Variants in ITPKB observed in about 807,000 individuals in gnomAD.
ITPKB encodes the protein IP3 3-kinase B.
In ITPKB, 13 loss-of-function variants were observed where a neutral mutation model predicts 69.4. The ratio of observed to expected loss-of-function variants is 0.19; its 90% CI spans 0.12 to 0.30. ITPKB has a LOEUF of 0.30. Ranked by LOEUF, ITPKB falls within the 10% of genes least tolerant of loss-of-function variation. The pLI is 1.00. For missense variants in ITPKB, 1,240 were observed against 1,250.5 expected (o/e 0.99, Z 0.13); for synonymous variants, 584 against 513.7 (o/e 1.14, Z -1.85).
chr1:226,658,501 G>A (rs1416161752), intron 2 of ITPKB, among the ~76,000 whole-genome samples: 1 of 152,190 alleles, frequency 6.6e-6, no homozygotes, highest in Non-Finnish European at 1.5e-5. Context: ...CCAAGGACTT[G>A]GCAGGACAGG....
At chr1:226,704,198 TAAAG>T (rs955656247) in intron 2 of ITPKB, among the ~76,000 whole-genome samples, 16 of 152,142 alleles carry the variant, frequency 1.1e-4, no homozygotes, top group African/African-American at 3.4e-4. Flanking sequence ...GACTACGAAA[TAAAG>T]AATATAAACA....
rs1657892023 is a variant in ITPKB at position 226,738,613 on chromosome 1, CA to C, written c.-206+427del. The stretch of plus-strand genomic sequence containing the variant: ...AGGAACTTAGGGGCGTGCATGGCTG[CA>C]GCCGGGCAGCAGCCCTAGGTGCACA... On this transcript the variant is annotated intron_variant, in intron 1 of 7. Coordinates refer to ENST00000429204, the MANE Select transcript of ITPKB (RefSeq NM_002221.4). The surrounding 1 kb of genome is among the most constrained non-coding windows in gnomAD (Gnocchi z 4.2). Among the ~76,000 whole-genome samples the C allele has an allele frequency of 6.6e-6, 1 of 152,174 alleles. No homozygotes were observed. Among genetic ancestry groups the C allele is most frequent in the Non-Finnish European group, 1.5e-5 (1 of 68,026 alleles).
chr1:226,708,175 A>G (rs1656857315), intron 2 of ITPKB, among the ~76,000 whole-genome samples: 1 of 152,220 alleles, frequency 6.6e-6, no homozygotes, highest in Non-Finnish European at 1.5e-5. Context: ...TCAAAGACCA[A>G]ATTGGATTTA....
chr1:226,651,676 A>C (rs1669197436), intron 2 of ITPKB, among the ~76,000 whole-genome samples: 1 of 152,208 alleles, frequency 6.6e-6, no homozygotes, highest in South Asian at 2.1e-4. Context: ...AGGTGAACAG[A>C]TGCTGGGCGA....
At chr1:226,676,931 T>A (rs1669745001) in intron 2 of ITPKB, among the ~76,000 whole-genome samples, 1 of 152,228 alleles carries the variant, frequency 6.6e-6, no homozygotes, top group Non-Finnish European at 1.5e-5. Context: ...CATATTGTGT[T>A]GTCTTTTACG....
At chr1:226,727,178 A>T (rs765486308) in intron 2 of ITPKB, among the ~76,000 whole-genome samples, 10 of 152,236 alleles carry the variant, frequency 6.6e-5, no homozygotes, top group African/African-American at 2.4e-4. Context: ...ATTATATAAC[A>T]TATAAAAAGC....
At chr1:226,683,317 G>A (rs1361560441) in intron 2 of ITPKB, among the ~76,000 whole-genome samples, 1 of 152,144 alleles carries the variant, frequency 6.6e-6, no homozygotes, top group Non-Finnish European at 1.5e-5. Flanking sequence ...CCTAACACCT[G>A]TAGAGTTGAT....
chr1:226,726,378 G>A (rs893270755), intron 2 of ITPKB, among the ~76,000 whole-genome samples: 1 of 152,210 alleles, frequency 6.6e-6, no homozygotes, highest in Non-Finnish European at 1.5e-5. Context: ...AAAAGAGAAG[G>A]CCAGGCTCAG....
chr1:226,667,673 G>T lies in ITPKB; in HGVS notation c.1933-18902C>A, dbSNP rs562680816. The stretch of plus-strand genomic sequence containing the variant: ...GCTGTCCCTGGATGCACTGGGCACA[G>T]CTGTGAGTGCTTTCTCCTGCAGATC... On this transcript the variant is annotated intron_variant, in intron 2 of 7. Coordinates refer to ENST00000429204, the MANE Select transcript of ITPKB (RefSeq NM_002221.4). 2.0e-5 allele frequency among the ~76,000 whole-genome samples: 3 copies of T among 152,320 alleles called. No homozygotes were observed. The South Asian group carries it at 6.2e-4, about 32-fold the overall frequency.
chr1:226,680,992 G>C (rs1656079265), intron 2 of ITPKB, among the ~76,000 whole-genome samples: 1 of 152,168 alleles, frequency 6.6e-6, no homozygotes, highest in South Asian at 2.1e-4. Flanking sequence ...CTGAGGTCCA[G>C]TCATTGCCCT....
At chr1:226,707,957 A>G (rs751974390) in intron 2 of ITPKB, 1 of 1,217,456 alleles carries the variant, frequency 8.2e-7, no homozygotes, top group East Asian at 5.0e-5. Context: ...AAAAATACTC[A>G]TGGCTGCATA....
intron 2 of ITPKB, among the ~76,000 whole-genome samples, chr1:226,723,780 G>C (rs942737227): frequency 2.0e-5 from 3 of 152,028 alleles, no homozygotes; most frequent in African/African-American, 7.3e-5. Flanking sequence ...AAAGAGGCTG[G>C]TCCCCAGGGT....
chr1:226,711,446 T>A (rs56877520), intron 2 of ITPKB, among the ~76,000 whole-genome samples: 8,472 of 109,616 alleles, frequency 0.077, 356 homozygotes, highest in South Asian at 0.21. Context: ...AGAGAGAGTG[T>A]GTGTGTGTGT....
Position 226,637,769 on chromosome 1 carries a change from C to A in ITPKB, c.2554-19G>T. The stretch of plus-strand genomic sequence containing the variant: ...AGGCGATCTGGGAATAGAAAGAGGA[C>A]CAGATTTTTAAGCGCCGCGTGGGGA... On this transcript the variant is annotated intron_variant, in intron 6 of 7. Transcript: ENST00000429204. This position sits in a 1 kb window ranked among gnomAD's most constrained non-coding sequence, Gnocchi z 4.3. The A allele has an allele frequency of 2.5e-6, 4 of 1,605,284 alleles. No individual in the cohort carries two copies. The highest frequency in any genetic ancestry group is 3.4e-6 in the Non-Finnish European group (4 of 1,172,612).
chr1:226,672,352 C>T (rs1669633742), intron 2 of ITPKB, among the ~76,000 whole-genome samples: 1 of 152,176 alleles, frequency 6.6e-6, no homozygotes, highest in Non-Finnish European at 1.5e-5. Flanking sequence ...CACCATCACT[C>T]GTACTCCATA....
chr1:226,661,028 C>A (rs926901711), intron 2 of ITPKB, among the ~76,000 whole-genome samples: 1 of 152,254 alleles, frequency 6.6e-6, no homozygotes, highest in African/African-American at 2.4e-5. Context: ...TACCAAAGGC[C>A]TTCACTGATC....
intron 2 of ITPKB, among the ~76,000 whole-genome samples, chr1:226,723,793 G>A (rs1657319304): frequency 6.6e-6 from 1 of 152,116 alleles, no homozygotes; most frequent in Non-Finnish European, 1.5e-5. Context: ...CCCAGGGTGT[G>A]TAACCTGACA....
chr1:226,683,139 T>A (rs1198097837), intron 2 of ITPKB, among the ~76,000 whole-genome samples: 1 of 152,178 alleles, frequency 6.6e-6, no homozygotes, highest in Non-Finnish European at 1.5e-5. Context: ...TGCATAAACC[T>A]GGGTGGAAGA....
At chr1:226,644,425 A>AG (rs1484607665) in intron 4 of ITPKB, among the ~76,000 whole-genome samples, 1 of 152,220 alleles carries the variant, frequency 6.6e-6, no homozygotes, top group East Asian at 1.9e-4. Context: ...AGGCCAGCCC[A>AG]GGGAGCCAAC....
Sources: allele counts gnomAD v4.1 joint callset (sites outside exome capture counted in the v4.1 genomes callset), GRCh38; gene constraint gnomAD v4.1.1; non-coding constraint Gnocchi (gnomAD v3.1); transcripts MANE v1.5; gene names NCBI Gene and HGNC (gene_info 2026-07-23, HGNC 2026-07-21).